Variants in RPE observed in about 807,000 individuals in gnomAD.
RPE encodes ribulose-5-phosphate-3-epimerase.
Under a neutral mutation model 24.6 loss-of-function variants are expected in RPE, and 16 were observed. That is an observed-to-expected ratio of 0.65 (90% confidence interval 0.44 to 0.99). RPE has a LOEUF of 0.99. Among genes scored for constraint, RPE ranks in the 50% least tolerant of loss-of-function variants. RPE has a pLI of 0.00. For synonymous variants in RPE, 93 were observed against 98.4 expected (o/e 0.94, Z 0.33); for missense variants, 240 against 294.5 (o/e 0.81, Z 1.35).
chr2:210,006,306 G>A (rs1185887119), intron 1 of RPE, among the ~76,000 whole-genome samples: 2 of 152,170 alleles, frequency 1.3e-5, no homozygotes, highest in African/African-American at 2.4e-5. Context: ...AAATACATTA[G>A]AACTGCTCTC....
At chr2:210,015,919 A>G (rs931380238) in intron 2 of RPE, 54 bp from the exon 3 acceptor site, 30 of 1,592,184 alleles carry the variant, frequency 1.9e-5, no homozygotes, top group Admixed American at 3.5e-5. Context: ...TTGGCTTCCA[A>G]TAACATGAGC....
chr2:210,011,171 A>G (rs935602958), intron 2 of RPE, among the ~76,000 whole-genome samples: 6 of 152,176 alleles, frequency 3.9e-5, no homozygotes, highest in Non-Finnish European at 8.8e-5. Flanking sequence ...TTCCACCAAT[A>G]TATTCACCAT....
intron 2 of RPE, among the ~76,000 whole-genome samples, chr2:210,011,265 C>T (rs569106589): frequency 7.2e-5 from 11 of 152,204 alleles, no homozygotes; most frequent in South Asian, 2.1e-4. Context: ...TAGCAGATAC[C>T]GTGACTTTTC....
intron 1 of RPE, among the ~76,000 whole-genome samples, chr2:210,009,056 T>C (rs2093667707): frequency 6.6e-6 from 1 of 152,234 alleles, no homozygotes; most frequent in Non-Finnish European, 1.5e-5. Flanking sequence ...AGGATTTTAT[T>C]TATCTTGTGC....
At chr2:210,016,156 T>C in intron 3 of RPE, 44 bp downstream of exon 3, 1 of 1,614,134 alleles carries the variant, frequency 6.2e-7, no homozygotes, top group Non-Finnish European at 8.5e-7. Flanking sequence ...TCACTCTCAG[T>C]TGGGAAGATT....
At chr2:210,018,268 T>TA in intron 5 of RPE, 1 of 1,502,868 alleles carries the variant, frequency 6.7e-7, no homozygotes, top group Non-Finnish European at 8.8e-7. Context: ...ACCTAATTAT[T>TA]ACATTATTCT....
rs764614736 is a variant in RPE, at chr2:210,017,558, A to T, written c.563A>T (p.Glu188Val). Residue 188 changes from glutamate to valine, a missense_variant and splice_region_variant, in exon 5 of 6, where the codon GAG becomes GTG. Coordinates refer to ENST00000359429, the MANE Select transcript of RPE (RefSeq NM_199229.3). The stretch of plus-strand genomic sequence containing the variant: ...CCTGACACTGTCCATAAATGTGCAG[A>T]GGTGAGATTGCTCTTCAACTATGAC... ...VGPDTVHKCA[E>V]AGANMIVSGS... 3 of 1,613,788 alleles carry T rather than the reference A, an allele frequency of 1.9e-6. No homozygotes were observed. Among genetic ancestry groups the T allele is most frequent in the Non-Finnish European group, 2.5e-6 (3 of 1,179,910 alleles).
rs2093850234 is a variant in RPE, at chr2:210,021,222, T to A, written c.*1431T>A. ...TGGCAAGAAATAAACATGACCAATATCAATAGACTTCTTGAGGCTACTATA... is the reference window on the plus strand; with the variant it reads ...TGGCAAGAAATAAACATGACCAATAACAATAGACTTCTTGAGGCTACTATA... On this transcript the variant is annotated 3_prime_UTR_variant, in exon 6 of 6. Transcript: ENST00000359429. 6.6e-6 allele frequency: 1 copy of A among 152,094 alleles called. No individual in the cohort carries two copies. The highest frequency in any genetic ancestry group is 1.5e-5 in the Non-Finnish European group (1 of 67,966). 9.4% of individuals were successfully genotyped at this position (152,094 alleles called of 1,614,324 possible). A position where few individuals can be genotyped will look rare whatever the true frequency, so the allele number is the denominator to read the frequency against.
intron 5 of RPE, chr2:210,018,428 A>C: frequency 1.0e-6 from 1 of 984,022 alleles, no homozygotes; most frequent in Non-Finnish European, 1.2e-6. Flanking sequence ...CTAGTCTAGC[A>C]TAGTCAGGCT....
intron 2 of RPE, among the ~76,000 whole-genome samples, chr2:210,010,277 T>C (rs996027356): frequency 1.3e-5 from 2 of 152,068 alleles, no homozygotes; most frequent in Non-Finnish European, 2.9e-5. Context: ...TGCCTAAATA[T>C]TCACTCCAAT....
At chr2:210,003,046 G>A (rs1237149740) in intron 1 of RPE, among the ~76,000 whole-genome samples, 3 of 152,138 alleles carry the variant, frequency 2.0e-5, no homozygotes, top group Non-Finnish European at 4.4e-5. Flanking sequence ...CTTAGGACCC[G>A]GAAGCGACCT....
intron 1 of RPE, among the ~76,000 whole-genome samples, chr2:210,005,595 C>T (rs889440998): frequency 2.0e-5 from 3 of 151,616 alleles, no homozygotes; most frequent in Non-Finnish European, 4.4e-5. Context: ...AAAACTGGGA[C>T]GATTTCACAT....
chr2:210,018,639 C>G (rs1014082530), intron 5 of RPE: 13 of 985,158 alleles, frequency 1.3e-5, no homozygotes, highest in Non-Finnish European at 1.6e-5. Flanking sequence ...AGCTCATATC[C>G]TTTTGATCGC....
rs2093860738 is a variant in RPE, at chr2:210,021,810, C to A, written c.*2019C>A. 7 of 151,458 alleles carry A rather than the reference C, an allele frequency of 4.6e-5. No individual in the cohort carries two copies. In the South Asian group the frequency reaches 1.3e-3, roughly 27 times the overall value. The allele number at this position is 151,458 out of a possible 1,614,324, so 9.4% of individuals were successfully genotyped here. ...GTTTAATAGCTTCAAAAGGAATTTTCTTTCATGTATACTCTTCAGTATCCA... is the reference window on the plus strand; with the variant it reads ...GTTTAATAGCTTCAAAAGGAATTTTATTTCATGTATACTCTTCAGTATCCA... On this transcript the variant is annotated 3_prime_UTR_variant, in exon 6 of 6. Transcript: ENST00000359429.
intron 2 of RPE, among the ~76,000 whole-genome samples, chr2:210,015,306 C>T (rs748917351): frequency 2.2e-4 from 34 of 152,158 alleles, no homozygotes; most frequent in Non-Finnish European, 3.2e-4. Context: ...CTTCCTCAGT[C>T]GATAGTATCT....
chr2:210,018,100 C>T (rs532365710), intron 5 of RPE: 4 of 1,471,624 alleles, frequency 2.7e-6, no homozygotes, highest in South Asian at 1.3e-5. Flanking sequence ...TCCTGGTTTT[C>T]TCAGGAAGGC....
intron 1 of RPE, among the ~76,000 whole-genome samples, chr2:210,008,292 GT>G (rs35113335): frequency 0.037 from 4,793 of 128,774 alleles, 431 homozygotes; most frequent in African/African-American, 0.13. Flanking sequence ...GTTTGTTTTT[GT>G]TTTTTTTTTT....
chr2:210,013,247 A>G (rs1430807606), intron 2 of RPE, among the ~76,000 whole-genome samples: 2 of 152,118 alleles, frequency 1.3e-5, no homozygotes, highest in East Asian at 1.9e-4. Context: ...TAAGCCAGAC[A>G]CTGAAAACTT....
chr2:210,016,239 C>T, intron 3 of RPE, 127 bp downstream of exon 3: 1 of 1,614,076 alleles, frequency 6.2e-7, no homozygotes, highest in South Asian at 1.1e-5. Flanking sequence ...TGCAGTGGCA[C>T]AGTCAGGGCC....
Sources: allele counts gnomAD v4.1 joint callset (sites outside exome capture counted in the v4.1 genomes callset), GRCh38; gene constraint gnomAD v4.1.1; transcripts MANE v1.5; gene names NCBI Gene and HGNC (gene_info 2026-07-23, HGNC 2026-07-21).